Variants in ATXN7L1 observed in about 807,000 individuals in gnomAD.
The protein encoded by ATXN7L1 is ataxin-7-like protein 1.
Under a neutral mutation model 70.8 loss-of-function variants are expected in ATXN7L1, and 15 were observed. The ratio of observed to expected loss-of-function variants is 0.21; its 90% CI spans 0.14 to 0.33. The LOEUF is 0.33. ATXN7L1 is among the 10% of genes least tolerant of loss of function. The pLI, the probability that ATXN7L1 is intolerant of heterozygous loss-of-function variation, is 1.00. For missense variants in ATXN7L1, 975 were observed against 1,097.1 expected (o/e 0.89, Z 1.57); for synonymous variants, 440 against 445.1 (o/e 0.99, Z 0.14).
chr7:105,793,694 A>G (rs1442602245), intron 2 of ATXN7L1, among the ~76,000 whole-genome samples: 1 of 152,198 alleles, frequency 6.6e-6, no homozygotes, highest in Non-Finnish European at 1.5e-5. Context: ...TCCCAAAGAG[A>G]CAAAGCCAGA....
At chr7:105,695,099 C>T (rs372208334) in intron 3 of ATXN7L1, among the ~76,000 whole-genome samples, 16 of 150,664 alleles carry the variant, frequency 1.1e-4, no homozygotes, top group African/African-American at 3.7e-4. Context: ...TGCAGTGAGC[C>T]GAGATCACAC....
At chr7:105,813,734 T>C (rs753974914) in intron 2 of ATXN7L1, among the ~76,000 whole-genome samples, 3 of 152,180 alleles carry the variant, frequency 2.0e-5, no homozygotes, top group African/African-American at 4.8e-5. Flanking sequence ...AGAAAATCAT[T>C]TGGCCACTTT....
intron 3 of ATXN7L1, among the ~76,000 whole-genome samples, chr7:105,696,562 C>T (rs1383742701): frequency 2.0e-5 from 3 of 152,178 alleles, no homozygotes; most frequent in African/African-American, 7.2e-5. Flanking sequence ...TATTTAAAAT[C>T]AGAACTTCTG....
At chr7:105,741,201 T>C (rs1384511032) in intron 3 of ATXN7L1, among the ~76,000 whole-genome samples, 3 of 152,146 alleles carry the variant, frequency 2.0e-5, no homozygotes, top group African/African-American at 7.2e-5. Context: ...TCTTTGGCAC[T>C]GTGGGCCTCC....
intron 3 of ATXN7L1, among the ~76,000 whole-genome samples, chr7:105,745,533 C>T (rs1164439877): frequency 6.6e-6 from 1 of 152,224 alleles, no homozygotes; most frequent in Non-Finnish European, 1.5e-5. Context: ...CTTCTGGGTG[C>T]TGCAACCAGG....
At chr7:105,812,147 C>T (rs967625813) in intron 2 of ATXN7L1, among the ~76,000 whole-genome samples, 6 of 152,132 alleles carry the variant, frequency 3.9e-5, no homozygotes, top group Admixed American at 2.6e-4. Flanking sequence ...TCTCCTATCC[C>T]GGGGTTGATG....
rs368313809 is a variant in ATXN7L1 at position 105,872,585 on chromosome 7, G to A, written c.250+3227C>T. 3.9e-5 allele frequency among the ~76,000 whole-genome samples: 6 copies of A among 152,160 alleles called. No homozygotes were observed. In the East Asian group the frequency reaches 1.2e-3, roughly 29 times the overall value. The stretch of plus-strand genomic sequence containing the variant: ...AGATACAAAAGGATACAGATTGTAT[G>A]ACTCCACTTATATGAGGTATCAGAA... On this transcript the variant is annotated intron_variant, in intron 2 of 11. Transcript: ENST00000419735.
chr7:105,735,459 C>T (rs1213833925), intron 3 of ATXN7L1, among the ~76,000 whole-genome samples: 2 of 152,100 alleles, frequency 1.3e-5, no homozygotes, highest in Non-Finnish European at 2.9e-5. Flanking sequence ...AGGGCTCTGG[C>T]GATAGGCATA....
chr7:105,670,335 C>T (rs1803352709), intron 3 of ATXN7L1, among the ~76,000 whole-genome samples: 4 of 152,126 alleles, frequency 2.6e-5, no homozygotes, highest in Admixed American at 6.5e-5. Flanking sequence ...AGGTAGATCC[C>T]TATAGTTATT....
rs71540971 is a variant in ATXN7L1, at chr7:105,733,661, T to C, written c.355+54943A>G. Among the ~76,000 whole-genome samples the C allele has an allele frequency of 2.0e-3, 241 of 122,774 alleles. 4 individuals are homozygous for C. The highest frequency in any genetic ancestry group is 3.5e-3 in the East Asian group (13 of 3,744). The allele number at this position is 122,774 out of a possible 152,430, so 80.5% of individuals were successfully genotyped here. On this transcript the variant is annotated intron_variant, in intron 3 of 11. Coordinates refer to ENST00000419735, the MANE Select transcript of ATXN7L1 (RefSeq NM_020725.2). ...ATCCATCCATCCATCCATCCATCCA[T>C]CCATCCATCCATCCATCCACCCATC...
At chr7:105,821,113 C>T (rs1450067022) in intron 2 of ATXN7L1, among the ~76,000 whole-genome samples, 2 of 152,150 alleles carry the variant, frequency 1.3e-5, no homozygotes, top group East Asian at 3.8e-4. Context: ...GATCTCTGTT[C>T]AATGCAACCT....
At chr7:105,701,371 A>G (rs1792432506) in intron 3 of ATXN7L1, among the ~76,000 whole-genome samples, 1 of 152,250 alleles carries the variant, frequency 6.6e-6, no homozygotes, top group African/African-American at 2.4e-5. Context: ...TATAAAATAT[A>G]TGCATGTAGA....
chr7:105,638,654 A>G (rs948761039), intron 6 of ATXN7L1, 45 bp from the exon 7 acceptor site: 2 of 1,495,656 alleles, frequency 1.3e-6, no homozygotes, highest in Non-Finnish European at 1.8e-6. Context: ...TGATCAGCAC[A>G]TAAACCTGCT....
At chr7:105,698,796 C>G (rs11766337) in intron 3 of ATXN7L1, among the ~76,000 whole-genome samples, 12,999 of 152,154 alleles carry the variant, frequency 0.085, 690 homozygotes, top group Non-Finnish European at 0.12. Flanking sequence ...ACTGAAGTTC[C>G]CTGAGGGCAG....
At chr7:105,749,841 G>T (rs954483177) in intron 3 of ATXN7L1, among the ~76,000 whole-genome samples, 1 of 151,784 alleles carries the variant, frequency 6.6e-6, no homozygotes, top group African/African-American at 2.4e-5. Flanking sequence ...CAACACAATT[G>T]TCTGTTGTCA....
chr7:105,621,666 G>A (rs1011937273), intron 8 of ATXN7L1, among the ~76,000 whole-genome samples: 5 of 152,214 alleles, frequency 3.3e-5, no homozygotes, highest in African/African-American at 1.2e-4. Context: ...CCTCAGAGAA[G>A]GTGACATTTG....
chr7:105,872,751 T>C (rs1818449394), intron 2 of ATXN7L1, among the ~76,000 whole-genome samples: 1 of 151,940 alleles, frequency 6.6e-6, no homozygotes, highest in Non-Finnish European at 1.5e-5. Flanking sequence ...TGATGATAGT[T>C]GTGTAATATT....
intron 3 of ATXN7L1, among the ~76,000 whole-genome samples, chr7:105,759,233 A>T (rs1463763634): frequency 6.2e-5 from 9 of 144,422 alleles, no homozygotes; most frequent in African/African-American, 2.3e-4. Context: ...ATGAATGTTG[A>T]TACAGTCATG....
chr7:105,787,277 T>C (rs367830554), intron 3 of ATXN7L1, among the ~76,000 whole-genome samples: 1 of 152,122 alleles, frequency 6.6e-6, no homozygotes, highest in South Asian at 2.1e-4. Flanking sequence ...ACCAAAGCCC[T>C]GAGACATCAA....
Sources: allele counts gnomAD v4.1 joint callset (sites outside exome capture counted in the v4.1 genomes callset), GRCh38; gene constraint gnomAD v4.1.1; transcripts MANE v1.5; gene names NCBI Gene and HGNC (gene_info 2026-07-23, HGNC 2026-07-21).